TENT5D: variants seen among roughly 807,000 people sequenced by gnomAD.
TENT5D encodes the protein cancer/testis antigen 112.
For synonymous variants in TENT5D, 103 were observed against 100.6 expected (o/e 1.02, Z -0.15); for missense variants, 191 against 287.0 (o/e 0.67, Z 2.42).
intron 2 of TENT5D, among the ~76,000 whole-genome samples, chrX:80,439,482 CTACTA>C (rs944574840): frequency 5.4e-5 from 6 of 111,060 alleles, no homozygotes; most frequent in South Asian, 3.7e-4. Flanking sequence ...GTGATTAACT[CTACTA>C]TATGCGGTTA....
At chrX:80,425,703 C>T (rs1931976347) in intron 1 of TENT5D, among the ~76,000 whole-genome samples, 1 of 112,066 alleles carries the variant, frequency 8.9e-6, no homozygotes, top group Non-Finnish European at 1.9e-5. Context: ...GAACTTTAGA[C>T]ATCCCATATG....
chrX:80,367,170 A>G (rs1930527782), intron 3 of TENT5D, among the ~76,000 whole-genome samples: 1 of 111,700 alleles, frequency 9.0e-6, no homozygotes, highest in African/African-American at 3.2e-5. Flanking sequence ...TACTAATCAT[A>G]ATGTGACATG....
chrX:80,366,735 C>G (rs1233018440), intron 3 of TENT5D, among the ~76,000 whole-genome samples: 2 of 111,061 alleles, frequency 1.8e-5, no homozygotes, highest in African/African-American at 3.3e-5. Context: ...GATGAGAAAA[C>G]TAAAGTAACA....
At chrX:80,417,604 TTC>T (rs1176830214), upstream of TENT5D, among the ~76,000 whole-genome samples, 8 of 111,740 alleles carry the variant, frequency 7.2e-5, no homozygotes, top group African/African-American at 2.6e-4. Context: ...TGCTTTGAAT[TTC>T]TTTTATTTAA....
chrX:80,440,660 G>C (rs1376499493), intron 2 of TENT5D, among the ~76,000 whole-genome samples: 1 of 110,650 alleles, frequency 9.0e-6, no homozygotes, highest in African/African-American at 3.3e-5. Context: ...AATTTTTACT[G>C]ATATTGACAA....
chrX:80,435,602 A>G (rs1292681018), intron 1 of TENT5D, among the ~76,000 whole-genome samples: 1 of 112,305 alleles, frequency 8.9e-6, no homozygotes, highest in African/African-American at 3.2e-5. Flanking sequence ...AATTTTACCC[A>G]AGGTATCTAT....
In TENT5D at chrX:80,411,846, G is replaced by A. The variant is rs772813397; in HGVS notation, c.-141-26764G>A. ...TGGCTTTGAGAGTCTACGGCTTTTCGAGGCACATGGTGCAAACTGCCAGTG... is the reference window on the plus strand; with the variant it reads ...TGGCTTTGAGAGTCTACGGCTTTTCAAGGCACATGGTGCAAACTGCCAGTG... On this transcript the variant is annotated intron_variant, in intron 3 of 4. Transcript: ENST00000538312. Among the ~76,000 whole-genome samples, 16 of 111,081 alleles carry A rather than the reference G, an allele frequency of 1.4e-4. No homozygotes were observed. The South Asian group carries it at 2.6e-3, about 18-fold the overall frequency.
chrX:80,433,820 A>G (rs1001316836), intron 1 of TENT5D, among the ~76,000 whole-genome samples: 1 of 111,361 alleles, frequency 9.0e-6, no homozygotes, highest in Non-Finnish European at 1.9e-5. Flanking sequence ...CTCAGTCAGT[A>G]AGAACACTTT....
intron 3 of TENT5D, among the ~76,000 whole-genome samples, chrX:80,397,867 G>A (rs967842729): frequency 4.5e-5 from 5 of 111,763 alleles, no homozygotes; most frequent in Non-Finnish European, 3.8e-5. Flanking sequence ...GCAGTGAGCC[G>A]AGATGGCAGC....
chrX:80,351,996 G>A lies in TENT5D; in HGVS notation c.-142+9432G>A, dbSNP rs767535004. On this transcript the variant is annotated intron_variant, in intron 3 of 4. Transcript: ENST00000538312. ...TGGAGGCTGCAGAACAGCAAAGACT[G>A]TGGCCTGTTCCTTTCTCTGGAAGCT... Among the ~76,000 whole-genome samples, 94 of 112,058 alleles carry A rather than the reference G, an allele frequency of 8.4e-4. 2 individuals carry two copies. The highest frequency in any genetic ancestry group is 3.4e-4 in the Non-Finnish European group (18 of 53,228).
upstream of TENT5D, among the ~76,000 whole-genome samples, chrX:80,418,362 C>T (rs183842331): frequency 9.0e-6 from 1 of 110,978 alleles, no homozygotes; most frequent in African/African-American, 3.3e-5. Context: ...ATGTTGCCCA[C>T]ACTGGTCTCA....
chrX:80,405,482 A>C (rs1168654417), intron 3 of TENT5D, among the ~76,000 whole-genome samples: 1 of 112,562 alleles, frequency 8.9e-6, no homozygotes, highest in Non-Finnish European at 1.9e-5. Flanking sequence ...TCAGTCAAAG[A>C]AAGCGGTGAC....
At chrX:80,381,997 G>A (rs1373726140) in intron 3 of TENT5D, among the ~76,000 whole-genome samples, 2 of 112,022 alleles carry the variant, frequency 1.8e-5, no homozygotes, top group African/African-American at 3.3e-5. Flanking sequence ...GCTTTATTCC[G>A]TTGCTGGCGA....
At chrX:80,373,861 G>A (rs887260759) in intron 3 of TENT5D, among the ~76,000 whole-genome samples, 1 of 111,014 alleles carries the variant, frequency 9.0e-6, no homozygotes, top group Admixed American at 9.7e-5. Context: ...TTAAGTTCAG[G>A]GGTACATGTG....
chrX:80,385,884 C>T (rs1439307070), intron 3 of TENT5D, among the ~76,000 whole-genome samples: 1 of 112,290 alleles, frequency 8.9e-6, no homozygotes, highest in Non-Finnish European at 1.9e-5. Flanking sequence ...TACCACTTCA[C>T]ACCAGTTAGA....
chrX:80,367,543 C>G (rs1463593109), intron 3 of TENT5D, among the ~76,000 whole-genome samples: 3 of 111,402 alleles, frequency 2.7e-5, no homozygotes, highest in African/African-American at 9.8e-5. Context: ...TCTATACTCC[C>G]ATGTTTGTTG....
At chrX:80,399,398 T>A (rs1931349595) in intron 3 of TENT5D, among the ~76,000 whole-genome samples, 2 of 112,394 alleles carry the variant, frequency 1.8e-5, no homozygotes, top group African/African-American at 6.5e-5. Context: ...CTTGGCATTC[T>A]TTTAGAAAAT....
intron 3 of TENT5D, among the ~76,000 whole-genome samples, chrX:80,378,214 T>C (rs1930774490): frequency 8.9e-6 from 1 of 111,907 alleles, no homozygotes; most frequent in Non-Finnish European, 1.9e-5. Context: ...GCAGTTTCTT[T>C]TGTTGTACAG....
chrX:80,405,405 C>A (rs758847918), intron 3 of TENT5D, among the ~76,000 whole-genome samples: 2 of 112,330 alleles, frequency 1.8e-5, no homozygotes, highest in South Asian at 3.7e-4. Flanking sequence ...ACGCACCGTG[C>A]GCGAGCCGAA....
Sources: gnomAD v4.1 joint callset for allele counts (sites outside exome capture counted in the v4.1 genomes callset) on GRCh38, gnomAD v4.1.1 for gene constraint, MANE v1.5 for transcripts, NCBI Gene and HGNC (gene_info 2026-07-23, HGNC 2026-07-21) for gene names.